The following MYO16 variants were observed in gnomAD, a reference collection of about 807,000 sequenced individuals.
MYO16 encodes myosin XVI.
MYO16 carries 94 observed loss-of-function variants against 205.3 expected under a neutral mutation model. That is an observed-to-expected ratio of 0.46 (90% CI 0.39 to 0.54). The LOEUF is 0.54. Ranked by LOEUF, MYO16 falls within the 20% of genes least tolerant of loss-of-function variation. The pLI, the probability that MYO16 is intolerant of heterozygous loss-of-function variation, is 0.00. For synonymous variants in MYO16, 988 were observed against 954.0 expected, an observed-to-expected ratio of 1.04 and a Z score of -0.66; for missense variants, 2,315 against 2,387.5, an observed-to-expected ratio of 0.97 and a Z score of 0.63.
intron 27 of MYO16, among the ~76,000 whole-genome samples, chr13:109,060,229 C>A (rs1459082374): frequency 1.3e-5 from 2 of 152,162 alleles, no homozygotes; most frequent in Non-Finnish European, 2.9e-5. Context: ...AAGACTGGAA[C>A]CAACCCAAAT....
intron 23 of MYO16, among the ~76,000 whole-genome samples, chr13:109,027,960 G>C (rs1261571181): frequency 1.3e-5 from 2 of 151,882 alleles, no homozygotes; most frequent in South Asian, 2.1e-4. Context: ...TAAAGTAAGT[G>C]GTAAAGTGTC....
At chr13:108,985,917 A>G (rs1884613012) in intron 20 of MYO16, among the ~76,000 whole-genome samples, 1 of 152,222 alleles carries the variant, frequency 6.6e-6, no homozygotes. Flanking sequence ...CACGCTGCTG[A>G]TAAAGACATA....
At chr13:108,683,819 C>G (rs538363241) in intron 2 of MYO16, among the ~76,000 whole-genome samples, 12 of 152,276 alleles carry the variant, frequency 7.9e-5, no homozygotes, top group Middle Eastern at 3.4e-3. Context: ...TTGAGTGGGA[C>G]AGATGATAGG....
chr13:109,068,041 A>G (rs1247383594), intron 27 of MYO16, among the ~76,000 whole-genome samples: 1 of 152,216 alleles, frequency 6.6e-6, no homozygotes, highest in African/African-American at 2.4e-5. Flanking sequence ...TCAATACCAC[A>G]CAAATGAAAC....
intron 1 of MYO16, among the ~76,000 whole-genome samples, chr13:108,615,131 A>G (rs1879305610): frequency 6.6e-6 from 1 of 152,086 alleles, no homozygotes; most frequent in South Asian, 2.1e-4. Context: ...ACCCAATAAT[A>G]AAGGGTAAAG....
chr13:109,118,688 C>T (rs1875841115), intron 28 of MYO16, among the ~76,000 whole-genome samples: 1 of 152,080 alleles, frequency 6.6e-6, no homozygotes, highest in African/African-American at 2.4e-5. Context: ...CCCTCCTTTC[C>T]AATGCCTGTC....
In MYO16 at chr13:108,677,034, GAA is replaced by G. The variant is rs138574293; in HGVS notation, c.292+10886_292+10887del. ...TTCACTAAAATGTGTGTTATGCAAA[GAA>G]GAGGATCAGGATTCCTTAATTATTC... On this transcript the variant is annotated intron_variant, in intron 2 of 34. Coordinates refer to ENST00000457511, the MANE Select transcript of MYO16 (RefSeq NM_001198950.3). 3.6e-3 allele frequency among the ~76,000 whole-genome samples: 551 copies of G among 152,246 alleles called. 3 individuals are homozygous for G. Among genetic ancestry groups the G allele is most frequent in the African/African-American group, 0.013 (538 of 41,530 alleles).
intron 9 of MYO16, among the ~76,000 whole-genome samples, chr13:108,840,622 C>T (rs1037278767): frequency 2.0e-5 from 3 of 152,136 alleles, no homozygotes; most frequent in African/African-American, 7.2e-5. Context: ...ACTGCAGCCT[C>T]GACCTCATAG....
intron 22 of MYO16, among the ~76,000 whole-genome samples, chr13:109,011,504 T>TTTTG (rs1177703890): frequency 6.6e-6 from 1 of 150,652 alleles, no homozygotes; most frequent in Non-Finnish European, 1.5e-5. Flanking sequence ...CTTTCTTTTT[T>TTTTG]TTTTTTGTTG....
intron 3 of MYO16, among the ~76,000 whole-genome samples, chr13:108,718,915 T>C (rs1359201313): frequency 6.6e-6 from 1 of 152,078 alleles, no homozygotes; most frequent in Non-Finnish European, 1.5e-5. Context: ...ATGCATGGCT[T>C]AGGGGACAAA....
At chr13:108,687,285 A>G (rs983888333) in intron 2 of MYO16, among the ~76,000 whole-genome samples, 1 of 152,222 alleles carries the variant, frequency 6.6e-6, no homozygotes, top group African/African-American at 2.4e-5. Context: ...GATAAATAAC[A>G]TTGGCAGAAG....
intron 11 of MYO16, among the ~76,000 whole-genome samples, chr13:108,858,954 A>G (rs1428880840): frequency 6.6e-6 from 1 of 152,084 alleles, no homozygotes; most frequent in Non-Finnish European, 1.5e-5. Flanking sequence ...GCTTTGCCTG[A>G]GTAATTTGAC....
At chr13:108,695,470 CTGTT>C (rs1883057196) in intron 2 of MYO16, among the ~76,000 whole-genome samples, 1 of 151,758 alleles carries the variant, frequency 6.6e-6, no homozygotes, top group Non-Finnish European at 1.5e-5. Context: ...GTCCTTAACT[CTGTT>C]TGTCTTTTTC....
the MYO16 span, among the ~76,000 whole-genome samples, chr13:108,539,446 A>T: frequency 2.6e-5 from 4 of 152,088 alleles, no homozygotes; most frequent in African/African-American, 9.7e-5. Context: ...ATGATGAAAG[A>T]TCTAAAACAT....
chr13:109,134,372 GT>G (rs1292256152), intron 31 of MYO16, among the ~76,000 whole-genome samples: 4 of 152,194 alleles, frequency 2.6e-5, no homozygotes, highest in Non-Finnish European at 5.9e-5. Context: ...CCAGTTATGT[GT>G]TTTTGCATAA....
At chr13:109,108,807 A>G (rs1727532588) in intron 28 of MYO16, among the ~76,000 whole-genome samples, 1 of 152,222 alleles carries the variant, frequency 6.6e-6, no homozygotes, top group Non-Finnish European at 1.5e-5. Context: ...GGAGCTGGGG[A>G]CGTGCTGAGG....
intron 2 of MYO16, among the ~76,000 whole-genome samples, chr13:108,671,714 T>C (rs1207312322): frequency 6.6e-6 from 1 of 152,214 alleles, no homozygotes; most frequent in African/African-American, 2.4e-5. Context: ...AGCAGACATT[T>C]ATTTCTCACA....
At chr13:108,539,657 C>A in the MYO16 span, among the ~76,000 whole-genome samples, 4 of 152,024 alleles carry the variant, frequency 2.6e-5, no homozygotes, top group South Asian at 8.3e-4. Context: ...ATGGAGAAAG[C>A]GCTAATCTGG....
intron 1 of MYO16, among the ~76,000 whole-genome samples, chr13:108,596,578 T>C (rs1878571665): frequency 6.6e-6 from 1 of 152,208 alleles, no homozygotes; most frequent in Admixed American, 6.5e-5. Context: ...CAGGTATAAA[T>C]GCTTTAGCAA....
Sources: allele counts gnomAD v4.1 joint callset (sites outside exome capture counted in the v4.1 genomes callset), GRCh38; gene constraint gnomAD v4.1.1; transcripts MANE v1.5; gene names NCBI Gene and HGNC (gene_info 2026-07-23, HGNC 2026-07-21).